Variants in DPP10 observed in about 807,000 individuals in gnomAD.
The protein encoded by DPP10 is inactive dipeptidyl peptidase 10.
Under a neutral mutation model 120.9 loss-of-function variants are expected in DPP10, and 33 were observed. That is an observed-to-expected ratio of 0.27 (90% CI 0.21 to 0.37). The LOEUF (loss-of-function observed/expected upper bound fraction) is 0.37. Ranked by LOEUF, DPP10 falls within the 10% of genes least tolerant of loss-of-function variation. DPP10 has a pLI of 1.00. For missense variants in DPP10, 816 were observed against 942.8 expected (o/e 0.87, Z 1.76); for synonymous variants, 337 against 326.1 (o/e 1.03, Z -0.36).
intron 5 of DPP10, among the ~76,000 whole-genome samples, chr2:115,532,291 T>C (rs2078516865): frequency 6.6e-6 from 1 of 152,048 alleles, no homozygotes; most frequent in Non-Finnish European, 1.5e-5. Flanking sequence ...CTTAGAGATA[T>C]TAACTAACTT....
chr2:115,752,842 A>G (rs1228390286), intron 10 of DPP10, among the ~76,000 whole-genome samples: 1 of 152,194 alleles, frequency 6.6e-6, no homozygotes, highest in Non-Finnish European at 1.5e-5. Flanking sequence ...AAATTTTCAT[A>G]AATATCTAGC....
intron 3 of DPP10, among the ~76,000 whole-genome samples, chr2:115,478,284 G>A (rs1225565033): frequency 1.3e-5 from 2 of 152,128 alleles, no homozygotes; most frequent in Non-Finnish European, 2.9e-5. Flanking sequence ...TTTTCAACAA[G>A]GGTATTGAGA....
At chr2:115,089,467 G>A (rs75536834) in intron 1 of DPP10, among the ~76,000 whole-genome samples, 10,222 of 152,122 alleles carry the variant, frequency 0.067, 382 homozygotes, top group East Asian at 0.15. Flanking sequence ...TGTTTATTTC[G>A]GATTGTCATC....
intron 1 of DPP10, among the ~76,000 whole-genome samples, chr2:115,140,925 T>TG (rs1553498633): frequency 2.6e-5 from 1 of 38,248 alleles, no homozygotes; most frequent in Admixed American, 2.5e-4. Context: ...ATGCTTATCT[T>TG]GAAAAAAAAA....
intron 1 of DPP10, among the ~76,000 whole-genome samples, chr2:115,080,438 A>G (rs1168874917): frequency 6.6e-6 from 1 of 152,168 alleles, no homozygotes; most frequent in African/African-American, 2.4e-5. Flanking sequence ...CTGGAAGTTA[A>G]CTCAAGTTAG....
intron 2 of DPP10, among the ~76,000 whole-genome samples, chr2:115,334,066 C>T (rs1359784769): frequency 1.3e-5 from 2 of 151,678 alleles, no homozygotes; most frequent in South Asian, 4.2e-4. Context: ...TTGGAAAACA[C>T]TCTGCAGGAT....
intron 19 of DPP10, among the ~76,000 whole-genome samples, chr2:115,809,673 A>C (rs1686403514): frequency 6.6e-6 from 1 of 151,944 alleles, no homozygotes; most frequent in Admixed American, 6.6e-5. Context: ...GTAGGCCTAG[A>C]AAGAGCAATG....
At chr2:114,936,444 C>T (rs549707995) in intron 1 of DPP10, among the ~76,000 whole-genome samples, 25 of 150,818 alleles carry the variant, frequency 1.7e-4, no homozygotes, top group Admixed American at 3.3e-4. Flanking sequence ...CACATATATA[C>T]GCACATATAT....
At chr2:115,024,003 CAG>C (rs1281382569) in intron 1 of DPP10, among the ~76,000 whole-genome samples, 1 of 152,010 alleles carries the variant, frequency 6.6e-6, no homozygotes, top group Non-Finnish European at 1.5e-5. Context: ...TTTGAGGACT[CAG>C]GGGAAAGGGT....
At chr2:115,489,470 CA>C (rs2105334057) in intron 3 of DPP10, among the ~76,000 whole-genome samples, 1 of 152,090 alleles carries the variant, frequency 6.6e-6, no homozygotes, top group East Asian at 1.9e-4. Context: ...AATTTAAGCA[CA>C]ACTGACCAGC....
intron 13 of DPP10, among the ~76,000 whole-genome samples, chr2:115,771,879 C>G (rs2149826248): frequency 6.6e-6 from 1 of 152,254 alleles, no homozygotes; most frequent in African/African-American, 2.4e-5. Flanking sequence ...ACATTTTGCT[C>G]TCTCATATTA....
intron 19 of DPP10, among the ~76,000 whole-genome samples, chr2:115,792,568 T>C (rs1684105679): frequency 6.6e-6 from 1 of 152,142 alleles, no homozygotes; most frequent in Non-Finnish European, 1.5e-5. Flanking sequence ...CAGAAAGCTC[T>C]GAAAGTTCTT....
intron 3 of DPP10, among the ~76,000 whole-genome samples, chr2:115,376,726 A>G: frequency 8.1e-6 from 1 of 124,084 alleles, no homozygotes; most frequent in Non-Finnish European, 1.6e-5. Flanking sequence ...AACAGTCCCC[A>G]GAGTGTGATG....
chr2:115,827,410 GTGTGTA>G lies in DPP10; in HGVS notation c.1951-8745_1951-8740del, dbSNP rs775805251. Reference sequence around the variant, plus strand: ...CAACTGTGTGTGTGTGTGTATGTGTGTGTGTATATATATATATATATATATATATAT... The same window carrying G: ...CAACTGTGTGTGTGTGTGTATGTGTGTATATATATATATATATATATATAT... On this transcript the variant is annotated intron_variant, in intron 21 of 25. Coordinates refer to ENST00000410059, the MANE Select transcript of DPP10 (RefSeq NM_020868.6). Among the ~76,000 whole-genome samples, 685 of 97,142 alleles carry G rather than the reference GTGTGTA, an allele frequency of 7.1e-3. 4 individuals are homozygous for G. Among genetic ancestry groups the G allele is most frequent in the East Asian group, 0.016 (55 of 3,426 alleles). The allele number at this position is 97,142 out of a possible 152,430, so 63.7% of individuals were successfully genotyped here. A position where few individuals can be genotyped will look rare whatever the true frequency, so the allele number is the denominator to read the frequency against.
intron 1 of DPP10, among the ~76,000 whole-genome samples, chr2:114,779,237 G>A (rs1682049123): frequency 6.6e-6 from 1 of 152,072 alleles, no homozygotes. Flanking sequence ...CTCTTCATCT[G>A]AACGAAGAGG....
intron 8 of DPP10, among the ~76,000 whole-genome samples, chr2:115,731,376 G>A (rs1318949871): frequency 6.7e-6 from 1 of 149,588 alleles, no homozygotes; most frequent in Non-Finnish European, 1.5e-5. Context: ...AAATTTAACT[G>A]GGTGGGGTGG....
At chr2:114,904,761 A>G (rs934714518) in intron 1 of DPP10, among the ~76,000 whole-genome samples, 1 of 152,196 alleles carries the variant, frequency 6.6e-6, no homozygotes, top group Non-Finnish European at 1.5e-5. Context: ...AGATAGAACA[A>G]TTTGGCTGCA....
chr2:114,573,402 A>G (rs1003550794), intron 1 of DPP10, among the ~76,000 whole-genome samples: 7 of 152,196 alleles, frequency 4.6e-5, no homozygotes, highest in African/African-American at 1.7e-4. Context: ...GAACAAAGAG[A>G]AAGCACCGAT....
intron 1 of DPP10, among the ~76,000 whole-genome samples, chr2:114,568,590 G>A (rs1040080317): frequency 6.6e-6 from 1 of 152,058 alleles, no homozygotes; most frequent in Non-Finnish European, 1.5e-5. Context: ...CTCTGTCCTC[G>A]GATCTGACCT....
Sources: gnomAD v4.1 joint callset for allele counts (sites outside exome capture counted in the v4.1 genomes callset) on GRCh38, gnomAD v4.1.1 for gene constraint, MANE v1.5 for transcripts, NCBI Gene and HGNC (gene_info 2026-07-23, HGNC 2026-07-21) for gene names.